BAZ1A: variants seen among roughly 807,000 people sequenced by gnomAD.
BAZ1A encodes bromodomain adjacent to zinc finger domain protein 1A.
In BAZ1A, 50 loss-of-function variants were observed where a neutral mutation model predicts 185.2. The ratio of observed to expected loss-of-function variants is 0.27; its 90% CI spans 0.22 to 0.34. The LOEUF (loss-of-function observed/expected upper bound fraction) is 0.34, where lower values mean the gene tolerates loss of function less well. BAZ1A is among the 10% of genes least tolerant of loss of function. BAZ1A has a pLI of 1.00. For missense variants in BAZ1A, 1,356 were observed against 1,839.9 expected (o/e 0.74, Z 4.81); for synonymous variants, 571 against 615.6 (o/e 0.93, Z 1.07).
intron 17 of BAZ1A, among the ~76,000 whole-genome samples, chr14:34,778,009 A>G (rs1466167997): frequency 6.6e-6 from 1 of 152,214 alleles, no homozygotes; most frequent in Admixed American, 6.5e-5. Flanking sequence ...CATTAACAAA[A>G]AAAATGGGGC....
At chr14:34,753,735 A>G in intron 26 of BAZ1A, 31 bp from the exon 27 acceptor site, 2 of 1,468,564 alleles carry the variant, frequency 1.4e-6, no homozygotes, top group Non-Finnish European at 1.8e-6. Flanking sequence ...AAAGATTAGA[A>G]TGAAAGTACA....
Position 34,761,932 on chromosome 14 carries a change from T to C in BAZ1A, c.4068A>G (p.Arg1356=), listed in dbSNP as rs1886539281. The C allele has an allele frequency of 1.2e-6, 2 of 1,614,224 alleles. No individual in the cohort carries two copies. The highest frequency in any genetic ancestry group is 1.7e-6 in the Non-Finnish European group (2 of 1,180,042). ...TAGCACTTTTCCTGCCTCTGCGTTT[T>C]CTACGAGGACTAAGCAATTCCACAA... ...DVFVELLSPR[R]KRRGRKSANN... The change falls in exon 24 of 27, where the codon AGA becomes AGG. Residue 1356 remains arginine (R), a synonymous_variant. Transcript: ENST00000360310.
In BAZ1A at chr14:34,775,982, G is replaced by T; in HGVS notation, c.2770C>A (p.Gln924Lys). 1 of 1,613,626 alleles carries T rather than the reference G, an allele frequency of 6.2e-7. No individual in the cohort carries two copies. Among genetic ancestry groups the T allele is most frequent in the Non-Finnish European group, 8.5e-7 (1 of 1,179,650 alleles). The change falls in exon 18 of 27, where the codon CAA becomes AAA. Residue 924 changes from glutamine to lysine, a missense_variant. This residue lies in a region of BAZ1A where 434 missense variants were observed against 561.7 expected (regional missense o/e 0.77). Transcript: ENST00000360310. ...RESALKETLL[Q>K]EKSRICAQLA... is the part of the protein sequence containing the mutation. ...TGTGCACATATTCTGCTTTTCTCTTGTAACAAAGTTTCTTTTAAGGCACTT... is the reference window on the plus strand; with the variant it reads ...TGTGCACATATTCTGCTTTTCTCTTTTAACAAAGTTTCTTTTAAGGCACTT...
At chr14:34,803,745 T>C (rs964074959) in intron 6 of BAZ1A, among the ~76,000 whole-genome samples, 27 of 152,198 alleles carry the variant, frequency 1.8e-4, no homozygotes, top group African/African-American at 5.8e-4. Context: ...CTGCTGAACA[T>C]TTATTTAGAT....
intron 4 of BAZ1A, 89 bp downstream of exon 4, chr14:34,825,924 T>A: frequency 7.8e-7 from 1 of 1,286,474 alleles, no homozygotes; most frequent in Admixed American, 3.2e-5. Flanking sequence ...GGCAAAAGAG[T>A]GAAACTCTAT....
At chr14:34,760,180 T>C (rs1886461423) in intron 24 of BAZ1A, among the ~76,000 whole-genome samples, 1 of 152,208 alleles carries the variant, frequency 6.6e-6, no homozygotes, top group Admixed American at 6.5e-5. Flanking sequence ...AGTACCAGGC[T>C]TAGCAATTTC....
intron 25 of BAZ1A, among the ~76,000 whole-genome samples, chr14:34,755,857 G>C (rs1178784179): frequency 7.2e-6 from 1 of 139,104 alleles, no homozygotes; most frequent in African/African-American, 2.7e-5. Context: ...GTCTTGCTCT[G>C]TCACCCAGGC....
At chr14:34,846,320 C>A (rs923366779) in intron 3 of BAZ1A, among the ~76,000 whole-genome samples, 7 of 152,158 alleles carry the variant, frequency 4.6e-5, no homozygotes, top group Non-Finnish European at 1.0e-4. Context: ...CAGCTGACTG[C>A]ATATGGCATC....
chr14:34,792,998 T>C, intron 11 of BAZ1A, 77 bp from the exon 12 acceptor site: 1 of 1,307,526 alleles, frequency 7.6e-7, no homozygotes, highest in East Asian at 2.4e-5. Context: ...AATAAACATG[T>C]AATCAACAAT....
intron 26 of BAZ1A, among the ~76,000 whole-genome samples, chr14:34,754,228 G>A (rs1011249209): frequency 1.3e-4 from 20 of 149,002 alleles, no homozygotes; most frequent in African/African-American, 5.0e-4. Context: ...CTCCAGCCTG[G>A]GCCACAGAGC....
chr14:34,758,343 G>A (rs1594805893), intron 25 of BAZ1A, among the ~76,000 whole-genome samples: 1 of 151,246 alleles, frequency 6.6e-6, no homozygotes, highest in Non-Finnish European at 1.5e-5. Context: ...CCACTTTGGG[G>A]GGCCGAGGTG....
intron 20 of BAZ1A, 137 bp downstream of exon 20, chr14:34,773,435 G>A: frequency 4.2e-6 from 3 of 720,688 alleles, no homozygotes; most frequent in Non-Finnish European, 6.5e-6. Flanking sequence ...CAGTCCAATG[G>A]TTACAAATAT....
intron 17 of BAZ1A, among the ~76,000 whole-genome samples, chr14:34,779,118 G>A (rs1879869161): frequency 6.6e-6 from 1 of 152,090 alleles, no homozygotes; most frequent in Non-Finnish European, 1.5e-5. Context: ...TCAGAGTGCT[G>A]GGATTACAGG....
At chr14:34,850,544 T>C (rs1028466029) in intron 3 of BAZ1A, among the ~76,000 whole-genome samples, 2 of 152,250 alleles carry the variant, frequency 1.3e-5, no homozygotes, top group Non-Finnish European at 2.9e-5. Flanking sequence ...TGGCAGTTAC[T>C]TTCCTATCCA....
rs2042515520 is a variant in BAZ1A, at chr14:34,846,559, G to A, written c.392+15485C>T. On this transcript the variant is annotated intron_variant, in intron 3 of 26. Transcript: ENST00000360310. ...AAACATTTACAACATAGCTTTATATGCTATTTGAATTAAATGTTTAGAAAC... is the reference window on the plus strand; with the variant it reads ...AAACATTTACAACATAGCTTTATATACTATTTGAATTAAATGTTTAGAAAC... Among the ~76,000 whole-genome samples, 4 of 152,270 alleles carry A rather than the reference G, an allele frequency of 2.6e-5. No individual in the cohort carries two copies. The South Asian group carries it at 8.3e-4, about 32-fold the overall frequency.
intron 18 of BAZ1A, 139 bp from the exon 19 acceptor site, chr14:34,774,629 G>T: frequency 1.5e-6 from 1 of 685,210 alleles, no homozygotes; most frequent in Non-Finnish European, 2.3e-6. Flanking sequence ...ATGAATGAAT[G>T]AATGAATATC....
intron 3 of BAZ1A, among the ~76,000 whole-genome samples, chr14:34,831,546 G>A (rs2042242427): frequency 6.6e-6 from 1 of 152,196 alleles, no homozygotes; most frequent in Non-Finnish European, 1.5e-5. Flanking sequence ...AGATTTAGCT[G>A]CACCTTGCCC....
chr14:34,856,311 C>T (rs1256469806), intron 3 of BAZ1A, among the ~76,000 whole-genome samples: 3 of 121,388 alleles, frequency 2.5e-5, no homozygotes, highest in African/African-American at 9.1e-5. Flanking sequence ...TTTTTTGAGA[C>T]CAGATCTTAC....
chr14:34,757,892 G>A (rs1000078577), intron 25 of BAZ1A, among the ~76,000 whole-genome samples: 1 of 150,006 alleles, frequency 6.7e-6, no homozygotes, highest in East Asian at 2.1e-4. Flanking sequence ...GACTACAGGC[G>A]CCTGCCACCA....
Sources: allele counts gnomAD v4.1 joint callset (sites outside exome capture counted in the v4.1 genomes callset), GRCh38; gene constraint gnomAD v4.1.1; regional missense constraint gnomAD v4.1.1; transcripts MANE v1.5; gene names NCBI Gene and HGNC (gene_info 2026-07-23, HGNC 2026-07-21).